Variants in CCDC91 observed in about 807,000 individuals in gnomAD.
CCDC91 encodes the protein coiled-coil domain containing 91.
A neutral mutation model predicts 63.2 loss-of-function variants in CCDC91; 48 were observed. The ratio of observed to expected loss-of-function variants is 0.76; its 90% CI spans 0.60 to 0.97. The LOEUF (loss-of-function observed/expected upper bound fraction) is 0.97. CCDC91 is among the 50% of genes least tolerant of loss of function. The pLI, the probability that CCDC91 is intolerant of heterozygous loss-of-function variation, is 0.00. For missense variants in CCDC91, 500 were observed against 494.6 expected (o/e 1.01, Z -0.10); for synonymous variants, 167 against 165.8 (o/e 1.01, Z -0.06).
Position 28,400,721 on chromosome 12 carries a change from C to A in CCDC91, c.762+9310C>A, listed in dbSNP as rs532476299. Among the ~76,000 whole-genome samples the A allele has an allele frequency of 9.2e-5, 14 of 152,238 alleles. No homozygotes were observed. The South Asian group carries it at 2.9e-3, about 32-fold the overall frequency. On this transcript the variant is annotated intron_variant, in intron 8 of 12. Coordinates refer to ENST00000536442, the MANE Select transcript of CCDC91 (RefSeq NM_018318.5). ...TGCTTTGCTGCTTAGAAATTTCTTC[C>A]ACTAGATATGCTAAATCATCTCTCT...
chr12:28,218,871 C>T (rs1943746591), intron 1 of CCDC91, among the ~76,000 whole-genome samples: 1 of 152,080 alleles, frequency 6.6e-6, no homozygotes, highest in Admixed American at 6.5e-5. Flanking sequence ...ATTCCTTTAT[C>T]CATATACTAG....
At chr12:28,486,922 A>T (rs1393938710) in intron 12 of CCDC91, among the ~76,000 whole-genome samples, 4 of 152,052 alleles carry the variant, frequency 2.6e-5, no homozygotes, top group African/African-American at 9.6e-5. Flanking sequence ...GTTGTTATGA[A>T]TTAATACATG....
rs75787719 is a variant in CCDC91 at position 28,300,572 on chromosome 12, G to A, written c.110-5077G>A. On this transcript the variant is annotated intron_variant, in intron 3 of 12. Coordinates refer to ENST00000536442, the MANE Select transcript of CCDC91 (RefSeq NM_018318.5). ...AAGAGGGAATGGTATTCCTCATATA[G>A]CTTTTCTCTTTTAGGGTTGTTCTGT... 8.4e-4 allele frequency among the ~76,000 whole-genome samples: 128 copies of A among 151,528 alleles called. 2 individuals are homozygous for A. In the East Asian group the frequency reaches 0.02, roughly 24 times the overall value.
chr12:28,446,231 A>G (rs1316990500), intron 8 of CCDC91, among the ~76,000 whole-genome samples: 1 of 152,238 alleles, frequency 6.6e-6, no homozygotes, highest in Non-Finnish European at 1.5e-5. Flanking sequence ...GAAAATGTTC[A>G]TAGAACTAAC....
intron 7 of CCDC91, among the ~76,000 whole-genome samples, chr12:28,365,299 T>G (rs1944202091): frequency 6.6e-6 from 1 of 152,206 alleles, no homozygotes; most frequent in South Asian, 2.1e-4. Context: ...TTTAACCTCC[T>G]TAGTTACCAG....
chr12:28,384,898 C>T (rs1189851099), intron 7 of CCDC91, among the ~76,000 whole-genome samples: 2 of 151,956 alleles, frequency 1.3e-5, no homozygotes, highest in Non-Finnish European at 2.9e-5. Flanking sequence ...AGTAGGCTCT[C>T]TTTTTGAATA....
intron 6 of CCDC91, among the ~76,000 whole-genome samples, chr12:28,308,745 A>G (rs528066858): frequency 6.6e-6 from 1 of 152,036 alleles, no homozygotes; most frequent in East Asian, 1.9e-4. Flanking sequence ...CATCCACCTT[A>G]TCATAGTCTG....
At chr12:28,192,406 G>T (rs78177276) in intron 1 of CCDC91, among the ~76,000 whole-genome samples, 1,764 of 152,194 alleles carry the variant, frequency 0.012, 8 homozygotes, top group Middle Eastern at 0.021. Flanking sequence ...AAATGGAAGG[G>T]GAATGTTTTA....
chr12:28,500,469 A>G (rs1221842482), intron 12 of CCDC91, among the ~76,000 whole-genome samples: 122 of 150,226 alleles, frequency 8.1e-4, no homozygotes, highest in Non-Finnish European at 3.0e-5. Flanking sequence ...GGGGCACCTC[A>G]TTTTTCATTG....
intron 3 of CCDC91, among the ~76,000 whole-genome samples, chr12:28,301,836 G>GAA (rs1361777715): frequency 2.0e-5 from 3 of 151,442 alleles, no homozygotes; most frequent in Admixed American, 6.6e-5. Context: ...GATTTACTTA[G>GAA]AAGTCTGTAG....
chr12:28,256,380 CT>C (rs1946447051), intron 1 of CCDC91, among the ~76,000 whole-genome samples: 1 of 150,228 alleles, frequency 6.7e-6, no homozygotes, highest in Non-Finnish European at 1.5e-5. Context: ...CTAATTTCAC[CT>C]TTTCAGGTTA....
intron 1 of CCDC91, among the ~76,000 whole-genome samples, chr12:28,244,821 G>T (rs11049477): frequency 6.6e-6 from 1 of 150,786 alleles, no homozygotes; most frequent in Admixed American, 6.6e-5. Flanking sequence ...AGTGAGCTGA[G>T]ATTGCGCCAT....
At chr12:28,417,346 A>G (rs1947726713) in intron 8 of CCDC91, among the ~76,000 whole-genome samples, 1 of 152,052 alleles carries the variant, frequency 6.6e-6, no homozygotes. Flanking sequence ...CTACTACCAT[A>G]ATCAGAATAT....
intron 12 of CCDC91, among the ~76,000 whole-genome samples, chr12:28,512,952 C>A (rs1939537730): frequency 6.6e-6 from 1 of 151,866 alleles, no homozygotes; most frequent in East Asian, 1.9e-4. Flanking sequence ...TGCTGTACTT[C>A]TTTAAGTCTC....
At chr12:28,391,678 G>T (rs1481234496) in intron 8 of CCDC91, among the ~76,000 whole-genome samples, 1 of 152,140 alleles carries the variant, frequency 6.6e-6, no homozygotes, top group East Asian at 1.9e-4. Flanking sequence ...CAGAAGCAAA[G>T]AGATATCTAT....
chr12:28,241,681 A>G (rs1945345057), intron 1 of CCDC91, among the ~76,000 whole-genome samples: 2 of 152,122 alleles, frequency 1.3e-5, no homozygotes, highest in Admixed American at 1.3e-4. Flanking sequence ...GCATGTTACT[A>G]GAAGAGGAAT....
At chr12:28,434,594 G>GTT (rs376645678) in intron 8 of CCDC91, among the ~76,000 whole-genome samples, 1,003 of 73,452 alleles carry the variant, frequency 0.014, 10 homozygotes, top group African/African-American at 0.025. Flanking sequence ...CCTTGGTCTG[G>GTT]TTTTTTTTTT....
intron 12 of CCDC91, among the ~76,000 whole-genome samples, chr12:28,537,114 G>A: frequency 6.6e-6 from 1 of 152,040 alleles, no homozygotes; most frequent in Non-Finnish European, 1.5e-5. Context: ...TTTCATTGCT[G>A]TGGTTTTAAA....
intron 12 of CCDC91, among the ~76,000 whole-genome samples, chr12:28,548,778 A>G (rs933216743): frequency 2.0e-5 from 3 of 152,112 alleles, no homozygotes; most frequent in African/African-American, 7.2e-5. Flanking sequence ...TGGCATTTTA[A>G]TACTATTTTA....
Sources: allele counts gnomAD v4.1 joint callset (sites outside exome capture counted in the v4.1 genomes callset), GRCh38; gene constraint gnomAD v4.1.1; transcripts MANE v1.5; gene names NCBI Gene and HGNC (gene_info 2026-07-23, HGNC 2026-07-21).